The following ATOSA variants were observed in gnomAD, a reference collection of about 807,000 sequenced individuals.
ATOSA encodes the protein atos homolog A, also known as atos homolog protein A.
At chr15:52,613,360 C>T in the ATOSA span, among the ~76,000 whole-genome samples, 7 of 152,232 alleles carry the variant, frequency 4.6e-5, no homozygotes, top group East Asian at 5.8e-4. Context: ...AGCGAGACTC[C>T]GTCTCAAATA....
At chr15:52,610,166 G>A in the ATOSA span, 1 of 1,613,978 alleles carries the variant, frequency 6.2e-7, no homozygotes, top group South Asian at 1.1e-5. Flanking sequence ...GGGTTATGGT[G>A]CTGATGAGTT....
the ATOSA span, chr15:52,656,509 AAG>A: frequency 1.3e-5 from 2 of 152,094 alleles, no homozygotes; most frequent in African/African-American, 4.8e-5. Flanking sequence ...AAAAGTACCT[AAG>A]AGACTTAATT....
the ATOSA span, among the ~76,000 whole-genome samples, chr15:52,629,945 C>T: frequency 1.5e-4 from 23 of 151,674 alleles, no homozygotes; most frequent in Admixed American, 1.5e-3. Context: ...GAAAATAAGA[C>T]AAAAAACAAA....
At chr15:52,605,836 T>C in the ATOSA span, among the ~76,000 whole-genome samples, 1 of 152,180 alleles carries the variant, frequency 6.6e-6, no homozygotes, top group East Asian at 1.9e-4. Flanking sequence ...AGGGGATATA[T>C]TCCATGAACC....
chr15:52,668,172 G>C, the ATOSA span, among the ~76,000 whole-genome samples: 2 of 152,172 alleles, frequency 1.3e-5, no homozygotes, highest in Non-Finnish European at 2.9e-5. Flanking sequence ...TGTCCATAAA[G>C]AAAATGTGGT....
chr15:52,702,662 T>G, the ATOSA span, among the ~76,000 whole-genome samples: 1 of 150,844 alleles, frequency 6.6e-6, no homozygotes, highest in South Asian at 2.1e-4. Flanking sequence ...GATACTATGC[T>G]CAGTACCTGG....
the ATOSA span, among the ~76,000 whole-genome samples, chr15:52,621,886 A>G: frequency 2.0e-5 from 3 of 149,276 alleles, no homozygotes; most frequent in Admixed American, 6.7e-5. Context: ...GTCTTGTTCT[A>G]TCGCTCAGGC....
the ATOSA span, among the ~76,000 whole-genome samples, chr15:52,667,814 A>G: frequency 4.6e-5 from 7 of 152,230 alleles, no homozygotes; most frequent in Admixed American, 2.0e-4. Context: ...AACATGTTCA[A>G]CATTACTAAT....
At chr15:52,616,927 C>A in the ATOSA span, among the ~76,000 whole-genome samples, 2 of 152,094 alleles carry the variant, frequency 1.3e-5, no homozygotes, top group Non-Finnish European at 1.5e-5. Flanking sequence ...ACTCTGTATC[C>A]CTAGCAATCA....
At chr15:52,682,274 TC>T in the ATOSA span, among the ~76,000 whole-genome samples, 2 of 150,716 alleles carry the variant, frequency 1.3e-5, no homozygotes, top group South Asian at 4.2e-4. Context: ...AAATGTGTTC[TC>T]CCCTCAAAAA....
the ATOSA span, among the ~76,000 whole-genome samples, chr15:52,636,842 C>T: frequency 6.6e-6 from 1 of 152,134 alleles, no homozygotes; most frequent in African/African-American, 2.4e-5. Flanking sequence ...GCTAGGTGTT[C>T]TCAGTTAATA....
chr15:52,593,699 A>G, the ATOSA span: 8 of 1,557,400 alleles, frequency 5.1e-6, no homozygotes, highest in East Asian at 2.4e-5. Flanking sequence ...ACCATCAACA[A>G]TGCCGAGAGG....
the ATOSA span, among the ~76,000 whole-genome samples, chr15:52,614,895 C>T: frequency 6.6e-6 from 1 of 152,052 alleles, no homozygotes; most frequent in South Asian, 2.1e-4. Context: ...ATAGTTTTTG[C>T]ACACAAATCA....
chr15:52,667,794 G>C, the ATOSA span, among the ~76,000 whole-genome samples: 1 of 152,100 alleles, frequency 6.6e-6, no homozygotes, highest in Non-Finnish European at 1.5e-5. Flanking sequence ...GTGGCCAACA[G>C]GTATATGAAA....
At chr15:52,684,960 G>GA in the ATOSA span, among the ~76,000 whole-genome samples, 1 of 152,058 alleles carries the variant, frequency 6.6e-6, no homozygotes, top group Non-Finnish European at 1.5e-5. Context: ...AAGACAGTGG[G>GA]AAAAAATGTA....
At chr15:52,582,105 T>C in the ATOSA span, 1 of 1,445,822 alleles carries the variant, frequency 6.9e-7, no homozygotes, top group Non-Finnish European at 9.2e-7. Context: ...TGCTAATTTT[T>C]ACTTGCAAAC....
the ATOSA span, among the ~76,000 whole-genome samples, chr15:52,684,835 C>G: frequency 6.6e-6 from 1 of 152,144 alleles, no homozygotes; most frequent in Non-Finnish European, 1.5e-5. Flanking sequence ...CCTTGGCCCC[C>G]CAAAGTGTTG....
chr15:52,702,689 T>TA, the ATOSA span, among the ~76,000 whole-genome samples: 1 of 146,860 alleles, frequency 6.8e-6, no homozygotes, highest in Non-Finnish European at 1.5e-5. Flanking sequence ...GGATCAACTG[T>TA]ACCCCACACC....
At chr15:52,613,435 G>A in the ATOSA span, among the ~76,000 whole-genome samples, 1 of 152,202 alleles carries the variant, frequency 6.6e-6, no homozygotes, top group Non-Finnish European at 1.5e-5. Flanking sequence ...GAGACAGCAG[G>A]TATGAAATTG....
Sources: allele counts gnomAD v4.1 joint callset (sites outside exome capture counted in the v4.1 genomes callset), GRCh38; gene constraint gnomAD v4.1.1; transcripts MANE v1.5; gene names NCBI Gene and HGNC (gene_info 2026-07-23, HGNC 2026-07-21).